The following LINGO1 variants were observed in gnomAD, a reference collection of about 807,000 sequenced individuals.
LINGO1 encodes the protein leucine rich repeat and Ig domain containing 1.
A neutral mutation model predicts 37.3 loss-of-function variants in LINGO1; 11 were observed. That is an observed-to-expected ratio of 0.29 (90% CI 0.19 to 0.49). The LOEUF is 0.49. Ranked by LOEUF, LINGO1 falls within the 20% of genes least tolerant of loss-of-function variation. The pLI is 0.99. For synonymous variants in LINGO1, 387 were observed against 403.0 expected, an observed-to-expected ratio of 0.96 and a Z score of 0.48; for missense variants, 585 against 878.2, an observed-to-expected ratio of 0.67 and a Z score of 4.22.
chr15:77,666,007 C>A (rs959517628), intron 3 of LINGO1, among the ~76,000 whole-genome samples: 14 of 152,248 alleles, frequency 9.2e-5, no homozygotes, highest in Non-Finnish European at 1.9e-4. Flanking sequence ...ACCACCAAGG[C>A]CATGGGCTCC....
intron 1 of LINGO1, among the ~76,000 whole-genome samples, chr15:77,758,508 T>C (rs1355434340): frequency 1.3e-5 from 2 of 152,018 alleles, no homozygotes; most frequent in Non-Finnish European, 2.9e-5. Context: ...CAGCTGTACC[T>C]GGGGCAGTTC....
In LINGO1 at chr15:77,781,862, C is replaced by T. The variant is rs972404330; in HGVS notation, c.-257+5007G>A. Among the ~76,000 whole-genome samples the T allele has an allele frequency of 2.0e-5, 3 of 152,358 alleles. 1 individual carries two copies. ...CTCTCTCGCCCTCAGGGCCCCCGGC[C>T]AGAGCTGCTGCCTCCCAGGTTCCTC... On this transcript the variant is annotated intron_variant, in intron 1 of 3. Coordinates refer to the LINGO1 transcript ENST00000561686.
intron 2 of LINGO1, among the ~76,000 whole-genome samples, chr15:77,715,083 G>A (rs1194558449): frequency 6.6e-6 from 1 of 152,212 alleles, no homozygotes; most frequent in Non-Finnish European, 1.5e-5. Context: ...TTGGGTCTGA[G>A]CCCACCTGAG....
chr15:77,656,472 C>T (rs1283975445), intron 3 of LINGO1, among the ~76,000 whole-genome samples: 1 of 152,212 alleles, frequency 6.6e-6, no homozygotes, highest in Non-Finnish European at 1.5e-5. Context: ...TGCGGGTTCT[C>T]ATGGCAACTC....
intron 1 of LINGO1, among the ~76,000 whole-genome samples, chr15:77,778,750 C>T (rs1308650705): frequency 6.6e-6 from 1 of 152,196 alleles, no homozygotes; most frequent in Non-Finnish European, 1.5e-5. Flanking sequence ...ACAGCCTCCC[C>T]CTAGGGCTTC....
At chr15:77,820,661 C>CTCATG (rs1178449206), upstream of LINGO1, 1 of 152,472 alleles carries the variant, frequency 6.6e-6, no homozygotes, top group Non-Finnish European at 1.5e-5. Flanking sequence ...CTCAGTTTAC[C>CTCATG]CCCTTTGGGA....
Position 77,643,706 on chromosome 15 carries a change from C to G in LINGO1, c.-12-27806G>C, listed in dbSNP as rs548233582. Among the ~76,000 whole-genome samples, 62 of 152,326 alleles carry G rather than the reference C, an allele frequency of 4.1e-4. 2 individuals are homozygous for G. Among genetic ancestry groups the G allele is most frequent in the Middle Eastern group, 3.4e-3 (1 of 294 alleles). On this transcript the variant is annotated intron_variant, in intron 3 of 3. Transcript: ENST00000559893. ...CCCAGCACCATGGTTCAGGGCTTAA[C>G]CCCCAGAGGGCAGCACCCACAGCCC...
At position 77,632,849 on chromosome 15, in the gene LINGO1, TCCGGCTCCCGCG is replaced by T. The variant is rs1161710036; in HGVS notation, c.-546_-535del. Among the ~76,000 whole-genome samples the T allele has an allele frequency of 1.5e-4, 22 of 148,964 alleles. No individual in the cohort carries two copies. The highest frequency in any genetic ancestry group is 2.5e-4 in the African/African-American group (10 of 40,756). ...GCCTGCGCTGTCGCCCGCCGCCCGCTCCGGCTCCCGCGCCGGCTCCCGCTCGGGCTCCGCGCT... is the reference window on the plus strand; with the variant it reads ...GCCTGCGCTGTCGCCCGCCGCCCGCTCCGGCTCCCGCTCGGGCTCCGCGCT... On this transcript the variant is annotated 5_prime_UTR_variant, in exon 1 of 2. Transcript: ENST00000355300. The surrounding 1 kb of genome is among the most constrained non-coding windows in gnomAD (Gnocchi z 6.0).
intron 1 of LINGO1, among the ~76,000 whole-genome samples, chr15:77,742,024 T>C (rs1365467992): frequency 1.3e-5 from 2 of 152,146 alleles, no homozygotes; most frequent in East Asian, 3.9e-4. Context: ...GCAAAGGTGC[T>C]GAGCATCACC....
chr15:77,745,765 G>C (rs2076308027), intron 1 of LINGO1, among the ~76,000 whole-genome samples: 1 of 152,276 alleles, frequency 6.6e-6, no homozygotes, highest in South Asian at 2.1e-4. Flanking sequence ...AGGCTCAAAA[G>C]ATGAAGTGGC....
intron 1 of LINGO1, among the ~76,000 whole-genome samples, chr15:77,742,559 C>T (rs1000262262): frequency 1.3e-5 from 2 of 152,218 alleles, no homozygotes; most frequent in African/African-American, 4.8e-5. Flanking sequence ...AAATCCAAAG[C>T]TGTTAACCAT....
chr15:77,748,031 C>T (rs2076332384), intron 1 of LINGO1, among the ~76,000 whole-genome samples: 2 of 152,340 alleles, frequency 1.3e-5, no homozygotes, highest in African/African-American at 2.4e-5. Flanking sequence ...AACCCCGGTG[C>T]GACAGAGCCC....
rs371015975 is a variant in LINGO1, at chr15:77,615,793, C to G, written c.114G>C (p.Ser38=). Residue 38 remains serine, a synonymous_variant, in exon 2 of 2, where the codon TCG becomes TCC. Coordinates refer to ENST00000355300, the MANE Select transcript of LINGO1 (RefSeq NM_032808.7). ...CGCAGCGGGGCGGGCAGCCCGTGGC[C>G]GAGCCTGACAGCACTGAGCCCAGCA... is the stretch of plus-strand genomic sequence containing the variant. The part of the protein sequence containing the change: ...LLVLGSVLSG[S]ATGCPPRCEC... The G allele has an allele frequency of 6.4e-7, 1 of 1,564,838 alleles. No homozygotes were observed. The highest frequency in any genetic ancestry group is 8.6e-7 in the Non-Finnish European group (1 of 1,162,682).
In LINGO1 at chr15:77,775,400, C is replaced by A. The variant is rs557938138; in HGVS notation, c.-257+11469G>T. Among the ~76,000 whole-genome samples, 5 of 152,276 alleles carry A rather than the reference C, an allele frequency of 3.3e-5. No individual in the cohort carries two copies. In the South Asian group the frequency reaches 1.0e-3, roughly 32 times the overall value. On this transcript the variant is annotated intron_variant, in intron 1 of 3. Coordinates refer to the LINGO1 transcript ENST00000561686. Reference sequence around the variant, plus strand: ...TGCAGCCCCTGAGCCTACCACTACCCAGTTTGCAGGTCCCGGTCTCTCCTG... The same window carrying A: ...TGCAGCCCCTGAGCCTACCACTACCAAGTTTGCAGGTCCCGGTCTCTCCTG...
At chr15:77,719,798 A>ACC in intron 2 of LINGO1, among the ~76,000 whole-genome samples, 1 of 108,150 alleles carries the variant, frequency 9.2e-6, no homozygotes, top group South Asian at 3.0e-4. Flanking sequence ...ATTCACACAC[A>ACC]CACGCACACT....
chr15:77,717,165 C>T (rs1194311918), intron 2 of LINGO1, among the ~76,000 whole-genome samples: 1 of 150,480 alleles, frequency 6.6e-6, no homozygotes, highest in African/African-American at 2.4e-5. Flanking sequence ...AACTCTCTGC[C>T]GTGGAGCAGA....
At chr15:77,629,128 G>A (rs2074179268) in intron 1 of LINGO1, among the ~76,000 whole-genome samples, 1 of 152,180 alleles carries the variant, frequency 6.6e-6, no homozygotes, top group Non-Finnish European at 1.5e-5. Flanking sequence ...ACAGAACTAG[G>A]CAGTGGTGGA....
intron 3 of LINGO1, among the ~76,000 whole-genome samples, chr15:77,676,687 A>G (rs1237149104): frequency 6.6e-6 from 1 of 152,180 alleles, no homozygotes; most frequent in African/African-American, 2.4e-5. Context: ...GGTGAAGGCA[A>G]AGGGAGACCA....
At chr15:77,744,738 A>G (rs1053959149) in intron 1 of LINGO1, among the ~76,000 whole-genome samples, 5 of 152,214 alleles carry the variant, frequency 3.3e-5, no homozygotes, top group Admixed American at 6.5e-5. Flanking sequence ...GGTCATGCAC[A>G]TAGAGCTACT....
Sources: allele counts gnomAD v4.1 joint callset (sites outside exome capture counted in the v4.1 genomes callset), GRCh38; gene constraint gnomAD v4.1.1; non-coding constraint Gnocchi (gnomAD v3.1); transcripts MANE v1.5; gene names NCBI Gene and HGNC (gene_info 2026-07-23, HGNC 2026-07-21).